ZNF722: variants seen among roughly 807,000 people sequenced by gnomAD.
ZNF722 encodes zinc finger protein 479 pseudogene.
the ZNF722 span, among the ~76,000 whole-genome samples, chr7:64,014,791 T>C: frequency 6.6e-6 from 1 of 152,308 alleles, no homozygotes; most frequent in East Asian, 1.9e-4. Flanking sequence ...TTTCTTTCTA[T>C]ATGGCTTTTG....
At chr7:64,017,512 T>C in the ZNF722 span, among the ~76,000 whole-genome samples, 2 of 152,244 alleles carry the variant, frequency 1.3e-5, no homozygotes, top group Non-Finnish European at 2.9e-5. Flanking sequence ...GTTATACCTT[T>C]ACTGGCATTA....
At chr7:64,001,984 A>C in the ZNF722 span, among the ~76,000 whole-genome samples, 1 of 152,040 alleles carries the variant, frequency 6.6e-6, no homozygotes, top group Non-Finnish European at 1.5e-5. Flanking sequence ...TCCAGTTTCA[A>C]GAGATTCTCC....
the ZNF722 span, among the ~76,000 whole-genome samples, chr7:64,005,253 C>T: frequency 6.6e-6 from 1 of 152,040 alleles, no homozygotes; most frequent in Non-Finnish European, 1.5e-5. Flanking sequence ...GAGCCAAGAT[C>T]ATGCCACTCC....
At chr7:64,008,113 G>A in the ZNF722 span, among the ~76,000 whole-genome samples, 2 of 152,144 alleles carry the variant, frequency 1.3e-5, no homozygotes, top group Admixed American at 1.3e-4. Flanking sequence ...TTGCAAATTT[G>A]TTTAAGTTCT....
chr7:64,007,629 T>C, the ZNF722 span, among the ~76,000 whole-genome samples: 16 of 152,194 alleles, frequency 1.1e-4, no homozygotes, highest in Non-Finnish European at 1.5e-5. Flanking sequence ...ATTTTCTTAA[T>C]CCAGTCTATT....
chr7:64,008,312 C>T, the ZNF722 span, among the ~76,000 whole-genome samples: 4 of 152,110 alleles, frequency 2.6e-5, no homozygotes. Flanking sequence ...TCATGAAGTC[C>T]TTGCCCATGC....
chr7:64,016,682 C>A, the ZNF722 span, among the ~76,000 whole-genome samples: 2 of 151,946 alleles, frequency 1.3e-5, no homozygotes, highest in Admixed American at 6.6e-5. Context: ...GGAGAGAACC[C>A]CTGAAACTGT....
chr7:64,010,248 T>C, the ZNF722 span, among the ~76,000 whole-genome samples: 1 of 152,204 alleles, frequency 6.6e-6, no homozygotes, highest in East Asian at 1.9e-4. Flanking sequence ...CTCCTTCAGT[T>C]CTGCTTTGAT....
chr7:64,014,940 G>T, the ZNF722 span: 8 of 1,007,884 alleles, frequency 7.9e-6, no homozygotes, highest in Non-Finnish European at 1.0e-5. Flanking sequence ...TTGCTAGTGT[G>T]CCTTGTATAA....
At chr7:64,012,023 A>G in the ZNF722 span, among the ~76,000 whole-genome samples, 1 of 152,138 alleles carries the variant, frequency 6.6e-6, no homozygotes, top group African/African-American at 2.4e-5. Flanking sequence ...CATTAATTTG[A>G]TCTTCAATCA....
chr7:64,008,842 C>T, the ZNF722 span, among the ~76,000 whole-genome samples: 735 of 152,216 alleles, frequency 4.8e-3, 6 homozygotes, highest in African/African-American at 0.017. Context: ...GGCAGTATGG[C>T]CATTTTCACA....
At chr7:64,015,367 A>G in the ZNF722 span, 4 of 1,496,378 alleles carry the variant, frequency 2.7e-6, no homozygotes, top group East Asian at 2.3e-5. Context: ...TCACACCTAA[A>G]TCAACATCAG....
the ZNF722 span, among the ~76,000 whole-genome samples, chr7:64,014,458 A>G: frequency 2.0e-5 from 3 of 152,124 alleles, no homozygotes; most frequent in Non-Finnish European, 2.9e-5. Context: ...ACCTTTCACA[A>G]TCTTTATAAT....
chr7:64,015,777 T>G, the ZNF722 span: 22 of 1,612,766 alleles, frequency 1.4e-5, no homozygotes, highest in Non-Finnish European at 5.9e-6. Context: ...TAACTGCTCC[T>G]CAACCCTTAA....
the ZNF722 span, among the ~76,000 whole-genome samples, chr7:64,017,547 G>T: frequency 6.6e-6 from 1 of 152,144 alleles, no homozygotes; most frequent in Non-Finnish European, 1.5e-5. Context: ...TGCATTTTAT[G>T]TTAAAGGAAA....
chr7:64,004,425 A>AAAATATATATATAT, the ZNF722 span, among the ~76,000 whole-genome samples: 1 of 61,108 alleles, frequency 1.6e-5, no homozygotes, highest in Non-Finnish European at 2.7e-5. Flanking sequence ...AAAAAAAAAA[A>AAAATATATATATAT]ATATATATAT....
the ZNF722 span, among the ~76,000 whole-genome samples, chr7:64,006,831 A>G: frequency 1.3e-5 from 1 of 78,046 alleles, no homozygotes; most frequent in East Asian, 2.4e-4. Flanking sequence ...TTATATATGT[A>G]TGTATTTATT....
the ZNF722 span, among the ~76,000 whole-genome samples, chr7:64,007,160 G>A: frequency 3.2e-4 from 47 of 147,974 alleles, no homozygotes; most frequent in African/African-American, 1.0e-3. Context: ...ATTTTGTTTC[G>A]CATTTTTCTA....
chr7:64,002,988 G>T, the ZNF722 span, among the ~76,000 whole-genome samples: 1 of 152,198 alleles, frequency 6.6e-6, no homozygotes, highest in Non-Finnish European at 1.5e-5. Context: ...ATTTACAGGG[G>T]ACTTGTTGAA....
Sources: gnomAD v4.1 joint callset for allele counts (sites outside exome capture counted in the v4.1 genomes callset) on GRCh38, gnomAD v4.1.1 for gene constraint, MANE v1.5 for transcripts, NCBI Gene and HGNC (gene_info 2026-07-23, HGNC 2026-07-21) for gene names.